The following COL6A6 variants were observed in gnomAD, a reference collection of about 807,000 sequenced individuals.
The protein encoded by COL6A6 is collagen type VI alpha 6 chain.
A neutral mutation model predicts 208.6 loss-of-function variants in COL6A6; 183 were observed. That is an observed-to-expected ratio of 0.88 (90% CI 0.78 to 0.99). COL6A6 has a LOEUF of 0.99. COL6A6 is among the 50% of genes least tolerant of loss of function. COL6A6 has a pLI of 0.00. For missense variants in COL6A6, 2,816 were observed against 2,815.2 expected (o/e 1.00, Z -0.01); for synonymous variants, 973 against 1,011.8 (o/e 0.96, Z 0.73).
intron 20 of COL6A6, among the ~76,000 whole-genome samples, chr3:130,604,241 C>G (rs1188881358): frequency 6.6e-6 from 1 of 152,188 alleles, no homozygotes; most frequent in Admixed American, 6.5e-5. Flanking sequence ...CGCCTGTAAT[C>G]CCAGCACTTT....
chr3:130,628,065 G>A (rs1019623772), intron 26 of COL6A6, among the ~76,000 whole-genome samples: 1 of 152,142 alleles, frequency 6.6e-6, no homozygotes, highest in African/African-American at 2.4e-5. Context: ...AGATCTTGTT[G>A]GAAAGTCTAA....
In COL6A6 at chr3:130,532,038, G is replaced by T. The variant is rs2062110444; in HGVS notation, c.-32+14641G>T. 4.6e-5 allele frequency among the ~76,000 whole-genome samples: 7 copies of T among 152,096 alleles called. No individual in the cohort carries two copies. The South Asian group carries it at 1.5e-3, about 32-fold the overall frequency. ...GATGAACATGTAAATGCATGGATTT[G>T]CATATCATATTTTGCATTTTGCTTT... On this transcript the variant is annotated intron_variant, in intron 1 of 36. Coordinates refer to ENST00000358511, the MANE Select transcript of COL6A6 (RefSeq NM_001102608.3).
chr3:130,581,923 A>T lies in COL6A6; in HGVS notation c.3891+19A>T. On this transcript the variant is annotated intron_variant, in intron 9 of 36. Transcript: ENST00000358511. ...AGGAAAGGTAACATGGATTTATCTT[A>T]TTTGTTGGTCTATGATTGCAATGAA... is the stretch of plus-strand genomic sequence containing the variant. The T allele has an allele frequency of 6.3e-7, 1 of 1,597,128 alleles. No homozygotes were observed. Among genetic ancestry groups the T allele is most frequent in the South Asian group, 1.1e-5 (1 of 89,630 alleles).
At chr3:130,585,458 A>G (rs1472630155) in intron 10 of COL6A6, among the ~76,000 whole-genome samples, 2 of 152,186 alleles carry the variant, frequency 1.3e-5, no homozygotes, top group East Asian at 1.9e-4. Flanking sequence ...GCACTTAACC[A>G]TTTCCCAGGC....
At position 130,616,205 on chromosome 3, in the gene COL6A6, C is replaced by CTATAAATT. The variant is rs1159157316; in HGVS notation, c.4815+5494_4815+5495insTATAAATT. Among the ~76,000 whole-genome samples the CTATAAATT allele has an allele frequency of 3.6e-3, 544 of 152,100 alleles. 5 individuals carry two copies. The highest frequency in any genetic ancestry group is 0.013 in the African/African-American group (519 of 41,502). On this transcript the variant is annotated intron_variant, in intron 23 of 36. Transcript: ENST00000358511. ...TTATTCTTCACCGGTTCTATAAATT[C>CTATAAATT]CCTGCCATAGGTTTCATATTGTTTT...
At chr3:130,594,974 A>G (rs1387881574) in intron 18 of COL6A6, among the ~76,000 whole-genome samples, 1 of 152,182 alleles carries the variant, frequency 6.6e-6, no homozygotes, top group Non-Finnish European at 1.5e-5. Flanking sequence ...ACCTGGCCCC[A>G]CTGTTGATAT....
chr3:130,570,750 A>G, intron 6 of COL6A6, 68 bp from the exon 7 acceptor site: 1 of 1,188,800 alleles, frequency 8.4e-7, no homozygotes, highest in Non-Finnish European at 1.2e-6. Context: ...ATTTATAAAA[A>G]GGTTGAGGCG....
intron 32 of COL6A6, among the ~76,000 whole-genome samples, chr3:130,647,970 G>A (rs902830432): frequency 3.9e-5 from 6 of 152,196 alleles, no homozygotes; most frequent in Non-Finnish European, 8.8e-5. Flanking sequence ...GCATTTGTTA[G>A]ATATCTGATA....
intron 17 of COL6A6, among the ~76,000 whole-genome samples, chr3:130,593,784 C>T (rs2063780291): frequency 6.6e-6 from 1 of 152,082 alleles, no homozygotes; most frequent in Non-Finnish European, 1.5e-5. Flanking sequence ...AAGCAACTAC[C>T]ATAGTAAGAA....
Position 130,565,529 on chromosome 3 carries a change from C to T in COL6A6, c.1197C>T (p.His399=). Residue 399 remains histidine (H), a synonymous_variant, in exon 4 of 37, where the codon CAC becomes CAT. Transcript: ENST00000358511. ...AGACCTTCGCTGACCTGGCTGCTCACAACCAGACATTTCTGAAGAAGCTGC... is the reference window on the plus strand; with the variant it reads ...AGACCTTCGCTGACCTGGCTGCTCATAACCAGACATTTCTGAAGAAGCTGC... The part of the protein sequence containing the change: ...KLKTFADLAA[H]NQTFLKKLRN... The T allele has an allele frequency of 6.2e-7, 1 of 1,613,976 alleles. No individual in the cohort carries two copies. The highest frequency in any genetic ancestry group is 8.5e-7 in the Non-Finnish European group (1 of 1,179,840).
rs2063957600 is a variant in COL6A6, at chr3:130,599,792, A to G, written c.4635A>G (p.Pro1545=). The G allele has an allele frequency of 6.2e-7, 1 of 1,613,562 alleles. No homozygotes were observed. The highest frequency in any genetic ancestry group is 1.3e-5 in the African/African-American group (1 of 74,892). ...RRGWPGPPGT[P]GSRRKTAAHG... ...GCTGGCCAGGCCCCCCCGGGACACC[A>G]GGCTCCAGAAGAAAGACAGTAAGAG... Residue 1545 remains proline (P), a synonymous_variant, in exon 20 of 37, where the codon CCA becomes CCG. Coordinates refer to ENST00000358511, the MANE Select transcript of COL6A6 (RefSeq NM_001102608.3).
At chr3:130,589,966 T>A in intron 12 of COL6A6, 1 of 444,616 alleles carries the variant, frequency 2.2e-6, no homozygotes, top group South Asian at 1.6e-5. Context: ...ATTTCCTGAA[T>A]GTTTCAGCTT....
chr3:130,618,138 A>T (rs1349660721), intron 23 of COL6A6, among the ~76,000 whole-genome samples: 3 of 152,264 alleles, frequency 2.0e-5, no homozygotes, highest in Middle Eastern at 3.4e-3. Flanking sequence ...GGGCTAATGC[A>T]TAGATGGTAA....
chr3:130,650,052 G>C (rs948864830), intron 33 of COL6A6, among the ~76,000 whole-genome samples: 1 of 152,212 alleles, frequency 6.6e-6, no homozygotes, highest in Non-Finnish European at 1.5e-5. Context: ...AATTATAAAG[G>C]AAAAGCCATT....
Position 130,563,208 on chromosome 3 carries a change from G to C in COL6A6, c.205G>C (p.Ala69Pro), listed in dbSNP as rs1380135014. The C allele has an allele frequency of 6.2e-7, 1 of 1,613,952 alleles. No homozygotes were observed. The highest frequency in any genetic ancestry group is 2.2e-5 in the East Asian group (1 of 44,888). The change falls in exon 3 of 37, where the codon GCC (alanine) becomes CCC (proline). Residue 69 changes from alanine (A) to proline (P), a missense_variant. Ala to Pro is a conservative substitution (Grantham distance 27). Coordinates refer to ENST00000358511, the MANE Select transcript of COL6A6 (RefSeq NM_001102608.3). ...IEADKYRVAL[A>P]QYSDKLHSEF... ...GGCCGACAAATACCGTGTGGCCCTG[G>C]CCCAGTACAGTGATAAACTTCACAG...
chr3:130,650,275 G>A (rs1174811936), intron 33 of COL6A6, among the ~76,000 whole-genome samples: 1 of 152,126 alleles, frequency 6.6e-6, no homozygotes, highest in Admixed American at 6.5e-5. Context: ...TCTCCATGTG[G>A]AGACCGTGAA....
At chr3:130,602,337 A>C (rs2064049104) in intron 20 of COL6A6, among the ~76,000 whole-genome samples, 1 of 152,246 alleles carries the variant, frequency 6.6e-6, no homozygotes, top group African/African-American at 2.4e-5. Flanking sequence ...AATTTCTTCA[A>C]TAAACAAGTG....
chr3:130,593,631 A>C (rs150377957), intron 17 of COL6A6, among the ~76,000 whole-genome samples: 137 of 152,356 alleles, frequency 9.0e-4, no homozygotes, highest in African/African-American at 3.2e-3. Flanking sequence ...CAACACTTGC[A>C]TCTCTTTCTG....
intron 1 of COL6A6, among the ~76,000 whole-genome samples, chr3:130,522,044 TA>T (rs1030131920): frequency 7.9e-5 from 12 of 152,198 alleles, no homozygotes; most frequent in African/African-American, 2.7e-4. Context: ...CAGTCTACCA[TA>T]AACTTTTTGG....
Sources: gnomAD v4.1 joint callset for allele counts (sites outside exome capture counted in the v4.1 genomes callset) on GRCh38, gnomAD v4.1.1 for gene constraint, MANE v1.5 for transcripts, NCBI Gene and HGNC (gene_info 2026-07-23, HGNC 2026-07-21) for gene names.